Variants in KIAA1328 observed in about 807,000 individuals in gnomAD.
KIAA1328 encodes KIAA1328.
In KIAA1328, 52 loss-of-function variants were observed where a neutral mutation model predicts 68.1. That is an observed-to-expected ratio of 0.76 (90% CI 0.61 to 0.96). The LOEUF (loss-of-function observed/expected upper bound fraction) is 0.96, where lower values mean the gene tolerates loss of function less well. Ranked by LOEUF, KIAA1328 falls within the 40% of genes least tolerant of loss-of-function variation. KIAA1328 has a pLI of 0.00. For synonymous variants in KIAA1328, 232 were observed against 239.4 expected (o/e 0.97, Z 0.28); for missense variants, 641 against 677.6 (o/e 0.95, Z 0.60).
intron 9 of KIAA1328, among the ~76,000 whole-genome samples, chr18:37,216,906 T>C (rs1169683585): frequency 6.6e-6 from 1 of 151,206 alleles, no homozygotes; most frequent in African/African-American, 2.4e-5. Flanking sequence ...TCTCTTTTTT[T>C]TTTTTTTTTT....
intron 6 of KIAA1328, among the ~76,000 whole-genome samples, chr18:37,030,249 G>A (rs987294844): frequency 1.3e-5 from 2 of 151,264 alleles, no homozygotes; most frequent in Admixed American, 6.6e-5. Context: ...TAACTTGCTA[G>A]GACGAGAATT....
chr18:37,006,661 C>T (rs1443411271), intron 6 of KIAA1328, among the ~76,000 whole-genome samples: 1 of 152,004 alleles, frequency 6.6e-6, no homozygotes, highest in Non-Finnish European at 1.5e-5. Flanking sequence ...AATGCTATCC[C>T]TCCCCGCTCC....
chr18:36,975,712 G>A (rs570184779), intron 6 of KIAA1328, among the ~76,000 whole-genome samples: 1 of 152,020 alleles, frequency 6.6e-6, no homozygotes, highest in East Asian at 1.9e-4. Context: ...CTTGCCAACC[G>A]ATTTTTTAAC....
chr18:36,920,193 T>C (rs1598714627), intron 5 of KIAA1328, among the ~76,000 whole-genome samples: 2 of 152,324 alleles, frequency 1.3e-5, no homozygotes, highest in South Asian at 4.1e-4. Context: ...TGAGATCTTA[T>C]AAGTCTTTAA....
At chr18:37,155,817 G>A (rs2059139759) in intron 7 of KIAA1328, among the ~76,000 whole-genome samples, 1 of 152,146 alleles carries the variant, frequency 6.6e-6, no homozygotes, top group African/African-American at 2.4e-5. Context: ...AAAGTTTAAT[G>A]CTGTAACAAT....
chr18:36,864,366 A>G (rs1391268356), intron 4 of KIAA1328, among the ~76,000 whole-genome samples: 1 of 151,424 alleles, frequency 6.6e-6, no homozygotes, highest in Non-Finnish European at 1.5e-5. Flanking sequence ...CAGTGGCACA[A>G]TCTCGGCTCA....
intron 1 of KIAA1328, among the ~76,000 whole-genome samples, chr18:36,832,431 C>T (rs1183127229): frequency 6.6e-6 from 1 of 150,810 alleles, no homozygotes; most frequent in Non-Finnish European, 1.5e-5. Context: ...ACTAAAACTA[C>T]AAAAAAAATT....
intron 7 of KIAA1328, among the ~76,000 whole-genome samples, chr18:37,089,331 A>T (rs537943088): frequency 1.4e-5 from 2 of 140,704 alleles, no homozygotes; most frequent in South Asian, 2.2e-4. Flanking sequence ...ATATTTGTAC[A>T]TTTGCGTTAT....
At chr18:37,140,278 G>A (rs2058738748) in intron 7 of KIAA1328, among the ~76,000 whole-genome samples, 1 of 152,024 alleles carries the variant, frequency 6.6e-6, no homozygotes, top group African/African-American at 2.4e-5. Flanking sequence ...ATAAATGACA[G>A]CTATTCTTCT....
At chr18:36,949,962 C>T (rs1036575509) in intron 5 of KIAA1328, among the ~76,000 whole-genome samples, 6 of 152,198 alleles carry the variant, frequency 3.9e-5, no homozygotes, top group African/African-American at 1.4e-4. Flanking sequence ...GGCTTGTGCT[C>T]TTGCACAGAT....
chr18:37,190,509 T>C (rs1217511974), intron 9 of KIAA1328, among the ~76,000 whole-genome samples: 4 of 152,224 alleles, frequency 2.6e-5, no homozygotes, highest in Non-Finnish European at 5.9e-5. Context: ...TCCTGGAGGA[T>C]GCTGCGCGAG....
At chr18:37,143,939 A>G (rs2058838413) in intron 7 of KIAA1328, among the ~76,000 whole-genome samples, 2 of 152,160 alleles carry the variant, frequency 1.3e-5, no homozygotes, top group South Asian at 4.1e-4. Flanking sequence ...ACACAGTAAC[A>G]AAATACGTTG....
intron 9 of KIAA1328, among the ~76,000 whole-genome samples, chr18:37,186,094 CTTTT>C (rs748423012): frequency 1.1e-5 from 1 of 90,432 alleles, no homozygotes; most frequent in Non-Finnish European, 2.0e-5. Flanking sequence ...TCAAGGATGT[CTTTT>C]TTTTTTTTTT....
intron 9 of KIAA1328, among the ~76,000 whole-genome samples, chr18:37,180,379 C>G (rs1242437324): frequency 6.6e-6 from 1 of 152,152 alleles, no homozygotes; most frequent in Non-Finnish European, 1.5e-5. Context: ...TCGCAACTTT[C>G]AAAGTTTTTT....
chr18:37,080,321 G>A (rs186294819), intron 7 of KIAA1328, among the ~76,000 whole-genome samples: 208 of 152,304 alleles, frequency 1.4e-3, no homozygotes, highest in African/African-American at 4.9e-3. Flanking sequence ...GGTTAGATGG[G>A]AATTATCCTT....
chr18:37,103,442 G>T lies in KIAA1328; in HGVS notation c.1232+35897G>T, dbSNP rs115798168. Reference sequence around the variant, plus strand: ...TCAATAAACCATTCTGAGAAAACTGGATATCCGTATGCGTATGAATGAAAC... The same window carrying T: ...TCAATAAACCATTCTGAGAAAACTGTATATCCGTATGCGTATGAATGAAAC... On this transcript the variant is annotated intron_variant, in intron 7 of 9. Transcript: ENST00000280020. Among the ~76,000 whole-genome samples the T allele has an allele frequency of 5.9e-3, 891 of 152,210 alleles. 11 individuals carry two copies. The highest frequency in any genetic ancestry group is 0.02 in the African/African-American group (827 of 41,536).
chr18:37,032,352 A>C (rs1354125996), intron 6 of KIAA1328, among the ~76,000 whole-genome samples: 1 of 152,134 alleles, frequency 6.6e-6, no homozygotes, highest in Non-Finnish European at 1.5e-5. Context: ...TATTGCATTA[A>C]ATTAATATTT....
chr18:37,226,550 C>G (rs1388812149), downstream of KIAA1328, among the ~76,000 whole-genome samples: 1 of 151,316 alleles, frequency 6.6e-6, no homozygotes, highest in East Asian at 1.9e-4. Context: ...AAATCATATT[C>G]TATGTGGTCT....
At chr18:37,094,678 C>A (rs2057356312) in intron 7 of KIAA1328, among the ~76,000 whole-genome samples, 1 of 152,080 alleles carries the variant, frequency 6.6e-6, no homozygotes, top group Non-Finnish European at 1.5e-5. Flanking sequence ...AAATGATATA[C>A]AAAACAACCA....
Sources: allele counts gnomAD v4.1 joint callset (sites outside exome capture counted in the v4.1 genomes callset), GRCh38; gene constraint gnomAD v4.1.1; transcripts MANE v1.5; gene names NCBI Gene and HGNC (gene_info 2026-07-23, HGNC 2026-07-21).